CCDC66: variants seen among roughly 807,000 people sequenced by gnomAD.
CCDC66 encodes coiled-coil domain containing 66.
In CCDC66, 133 loss-of-function variants were observed where a neutral mutation model predicts 128.3. The observed-to-expected ratio is 1.04, with a 90% CI of 0.90 to 1.20. The LOEUF is 1.20. CCDC66 is among the 50% of genes most tolerant of loss of function. The pLI, the probability that CCDC66 is intolerant of heterozygous loss-of-function variation, is 0.00. For synonymous variants in CCDC66, 387 were observed against 357.0 expected, an observed-to-expected ratio of 1.08 and a Z score of -0.95; for missense variants, 1,126 against 1,075.5, an observed-to-expected ratio of 1.05 and a Z score of -0.66.
intron 15 of CCDC66, chr3:56,618,431 AT>A: frequency 2.2e-6 from 1 of 464,932 alleles, no homozygotes. Context: ...TGTAGATAAC[AT>A]TTACTTTTAT....
At chr3:56,578,086 T>G (rs1209880787) in intron 7 of CCDC66, among the ~76,000 whole-genome samples, 1 of 151,860 alleles carries the variant, frequency 6.6e-6, no homozygotes, top group African/African-American at 2.4e-5. Flanking sequence ...GTGTCCTCTT[T>G]TATTTCCTTG....
At position 56,583,934 on chromosome 3, in the gene CCDC66, ACCTC is replaced by A. The variant is rs1559667927; in HGVS notation, c.937-9029_937-9026del. The stretch of plus-strand genomic sequence containing the variant: ...GGCGGCTGGGCGGGGGCTGCCCCCC[ACCTC>A]CCTCCCGGACGGGGCGGCTGGCCGG... On this transcript the variant is annotated intron_variant, in intron 7 of 17. Transcript: ENST00000394672. 1.3e-3 allele frequency among the ~76,000 whole-genome samples: 88 copies of A among 68,912 alleles called. 2 individuals are homozygous for A. The highest frequency in any genetic ancestry group is 3.6e-3 in the African/African-American group (54 of 15,068). 45.2% of individuals were successfully genotyped at this position (68,912 alleles called of 152,430 possible). A position where few individuals can be genotyped will look rare whatever the true frequency, so the allele number is the denominator to read the frequency against.
Position 56,621,643 on chromosome 3 carries a change from T to TTTGA in CCDC66, c.*28_*31dup. On this transcript the variant is annotated 3_prime_UTR_variant, in exon 18 of 18. Coordinates refer to ENST00000394672, the MANE Select transcript of CCDC66 (RefSeq NM_001141947.3). ...AATGTAGAAAATCAAATCCTTCACA[T>TTTGA]TTGATTTGTGTCTTCCAAATTATAA... 6.6e-7 allele frequency: 1 copy of TTTGA among 1,504,574 alleles called. No homozygotes were observed. The highest frequency in any genetic ancestry group is 9.1e-7 in the Non-Finnish European group (1 of 1,093,128). The allele number at this position is 1,504,574 out of a possible 1,614,324, so 93.2% of individuals were successfully genotyped here. A position where few individuals can be genotyped will look rare whatever the true frequency, so the allele number is the denominator to read the frequency against.
Position 56,618,230 on chromosome 3 carries a change from T to G in CCDC66, c.2378+18T>G, listed in dbSNP as rs778645806. On this transcript the variant is annotated intron_variant, in intron 15 of 17. Coordinates refer to ENST00000394672, the MANE Select transcript of CCDC66 (RefSeq NM_001141947.3). ...AAGGAAAGGTAAGTATGCATCAGAT[T>G]AATTCCGCAGCTACTTAATGCTTTC... The G allele has an allele frequency of 6.2e-7, 1 of 1,607,516 alleles. No individual in the cohort carries two copies. The highest frequency in any genetic ancestry group is 2.2e-5 in the East Asian group (1 of 44,846).
At chr3:56,613,073 G>C (rs757446157) in intron 10 of CCDC66, among the ~76,000 whole-genome samples, 3 of 152,168 alleles carry the variant, frequency 2.0e-5, no homozygotes, top group African/African-American at 7.2e-5. Flanking sequence ...TGCAGGGGCT[G>C]TTGGGCCCCA....
At chr3:56,601,848 A>G (rs2073221385) in intron 10 of CCDC66, among the ~76,000 whole-genome samples, 1 of 152,090 alleles carries the variant, frequency 6.6e-6, no homozygotes, top group Admixed American at 6.5e-5. Context: ...GAAGTTGCTT[A>G]TCAGCTTAAG....
intron 10 of CCDC66, among the ~76,000 whole-genome samples, chr3:56,596,719 A>G (rs1039996591): frequency 6.8e-6 from 1 of 146,308 alleles, no homozygotes; most frequent in Non-Finnish European, 1.5e-5. Context: ...GTAGGTTTAC[A>G]TTTTTGGGTC....
intron 7 of CCDC66, among the ~76,000 whole-genome samples, chr3:56,588,266 C>T (rs2106848633): frequency 6.6e-6 from 1 of 152,186 alleles, no homozygotes; most frequent in Non-Finnish European, 1.5e-5. Flanking sequence ...GATGCAAAGG[C>T]ATAAGAATGA....
Position 56,617,411 on chromosome 3 carries a change from G to GC in CCDC66, c.2144dup (p.Ser716IlefsTer6). The GC allele has an allele frequency of 3.7e-6, 6 of 1,613,938 alleles. No homozygotes were observed. Among genetic ancestry groups the GC allele is most frequent in the Non-Finnish European group, 5.1e-6 (6 of 1,179,956 alleles). On this transcript the variant is annotated frameshift_variant, in exon 14 of 18. Coordinates refer to ENST00000394672, the MANE Select transcript of CCDC66 (RefSeq NM_001141947.3). LOFTEE classifies it high-confidence loss of function. ...TAAGCCACCTAAAAGGTATATTCCA[G>GC]CATCAGAAAAGTACCCTAAACAGCT... is the stretch of plus-strand genomic sequence containing the variant.
intron 6 of CCDC66, 66 bp from the exon 7 acceptor site, chr3:56,571,115 G>A: frequency 8.0e-7 from 1 of 1,249,048 alleles, no homozygotes; most frequent in Non-Finnish European, 1.1e-6. Flanking sequence ...AAGAAGGTCA[G>A]ATTTGTTTAC....
chr3:56,565,562 A>T (rs1420252309), intron 4 of CCDC66, among the ~76,000 whole-genome samples: 1 of 150,420 alleles, frequency 6.6e-6, no homozygotes, highest in Non-Finnish European at 1.5e-5. Flanking sequence ...AAGTGCTGGG[A>T]TTACAGGCAT....
At chr3:56,612,357 TTTG>T (rs1240628791) in intron 10 of CCDC66, among the ~76,000 whole-genome samples, 15 of 152,104 alleles carry the variant, frequency 9.9e-5, no homozygotes, top group African/African-American at 3.6e-4. Flanking sequence ...GTGGTAAAGT[TTTG>T]TTGTGAACGG....
chr3:56,565,105 C>A, intron 4 of CCDC66: 1 of 408,354 alleles, frequency 2.4e-6, no homozygotes, highest in Non-Finnish European at 5.0e-6. Context: ...CCTGTGAGCC[C>A]TCTAAAACAT....
chr3:56,602,939 A>G (rs540751801), intron 10 of CCDC66, among the ~76,000 whole-genome samples: 2 of 146,056 alleles, frequency 1.4e-5, no homozygotes, highest in East Asian at 2.0e-4. Context: ...GGTTCACGCC[A>G]TTCTCCTGCC....
In CCDC66 at chr3:56,605,976, G is replaced by A. The variant is rs1265519343; in HGVS notation, c.1405-7613G>A. 3.3e-5 allele frequency among the ~76,000 whole-genome samples: 5 copies of A among 152,184 alleles called. No individual in the cohort carries two copies. The East Asian group carries it at 7.7e-4, about 24-fold the overall frequency. Reference sequence around the variant, plus strand: ...TTTTCAGAGATTCCCTGTCCAAAGAGGAGGAATCTAGAGAGGCAATCTGGC... The same window carrying A: ...TTTTCAGAGATTCCCTGTCCAAAGAAGAGGAATCTAGAGAGGCAATCTGGC... On this transcript the variant is annotated intron_variant, in intron 10 of 17. Coordinates refer to ENST00000394672, the MANE Select transcript of CCDC66 (RefSeq NM_001141947.3).
intron 12 of CCDC66, 93 bp downstream of exon 12, chr3:56,615,365 C>T: frequency 7.8e-7 from 1 of 1,286,194 alleles, no homozygotes; most frequent in Non-Finnish European, 1.1e-6. Flanking sequence ...AGGACTCATT[C>T]TGTTGCACAG....
chr3:56,565,957 T>C (rs190652576), intron 4 of CCDC66, among the ~76,000 whole-genome samples: 1 of 152,308 alleles, frequency 6.6e-6, no homozygotes, highest in East Asian at 1.9e-4. Flanking sequence ...TGAGCCACCG[T>C]GCCTGGCCAG....
Position 56,593,826 on chromosome 3 carries a change from G to A in CCDC66, c.1319+85G>A, listed in dbSNP as rs931609647. ...TGTTGTTATGTCTAATTGGTTTCAG[G>A]TTTGGTATTTGTCTTTGAAATAGAA... On this transcript the variant is annotated intron_variant, in intron 9 of 17. Transcript: ENST00000394672. The A allele has an allele frequency of 6.9e-6, 11 of 1,584,614 alleles. No individual in the cohort carries two copies. The South Asian group carries it at 1.2e-4, about 18-fold the overall frequency.
Position 56,619,797 on chromosome 3 carries a change from C to G in CCDC66, c.2656C>G (p.Leu886Val), listed in dbSNP as rs377002691. 89 of 1,613,782 alleles carry G rather than the reference C, an allele frequency of 5.5e-5. No homozygotes were observed. The highest frequency in any genetic ancestry group is 7.3e-5 in the Non-Finnish European group (86 of 1,179,942). ...NSQDCGQKRQ[L>V]FDSDCVRDPL... ...TTTAGACTGTGGCCAAAAACGACAG[C>G]TATTTGATTCTGACTGTGTCAGGGA... The change falls in exon 17 of 18, where the codon CTA (leucine) becomes GTA (valine). Residue 886 changes from leucine (L) to valine (V), a missense_variant. By Grantham distance (32) the Leu-to-Val change is conservative (BLOSUM62 1). Coordinates refer to ENST00000394672, the MANE Select transcript of CCDC66 (RefSeq NM_001141947.3).
Sources: gnomAD v4.1 joint callset for allele counts (sites outside exome capture counted in the v4.1 genomes callset) on GRCh38, gnomAD v4.1.1 for gene constraint, MANE v1.5 for transcripts, NCBI Gene and HGNC (gene_info 2026-07-23, HGNC 2026-07-21) for gene names.